Variants in ST8SIA6 observed in about 807,000 individuals in gnomAD.
ST8SIA6 encodes alpha-2,8-sialyltransferase 8F.
A neutral mutation model predicts 33.6 loss-of-function variants in ST8SIA6; 39 were observed. The observed-to-expected ratio is 1.16, with a 90% CI of 0.90 to 1.52. ST8SIA6 has a LOEUF of 1.52. ST8SIA6 is among the 40% of genes most tolerant of loss of function. The pLI is 0.00. For missense variants in ST8SIA6, 441 were observed against 443.8 expected (o/e 0.99, Z 0.06); for synonymous variants, 172 against 167.2 (o/e 1.03, Z -0.22).
chr10:17,354,656 G>A (rs4146637), intron 4 of ST8SIA6, among the ~76,000 whole-genome samples: 25,495 of 152,056 alleles, frequency 0.17, 2,475 homozygotes, highest in East Asian at 0.49. Flanking sequence ...GTAAATCTGA[G>A]CCAGACTCAC....
chr10:17,370,971 G>A (rs1171703379), intron 3 of ST8SIA6, among the ~76,000 whole-genome samples: 1 of 152,194 alleles, frequency 6.6e-6, no homozygotes, highest in Admixed American at 6.5e-5. Context: ...AAAATTAAGA[G>A]ATGTTTGCCA....
At chr10:17,401,101 T>C in intron 2 of ST8SIA6, among the ~76,000 whole-genome samples, 1 of 152,126 alleles carries the variant, frequency 6.6e-6, no homozygotes. Context: ...ACAAAATCAA[T>C]GTGCAAAAAT....
intron 2 of ST8SIA6, among the ~76,000 whole-genome samples, chr10:17,406,167 C>T (rs1851250522): frequency 6.6e-6 from 1 of 152,200 alleles, no homozygotes; most frequent in Non-Finnish European, 1.5e-5. Flanking sequence ...CAGAAAAGCT[C>T]TCTGCCTTCC....
At chr10:17,331,586 T>A (rs1019383172) in intron 4 of ST8SIA6, 34 bp from the exon 5 acceptor site, 1 of 1,581,324 alleles carries the variant, frequency 6.3e-7, no homozygotes, top group Non-Finnish European at 8.6e-7. Flanking sequence ...GAAGCCAAAG[T>A]ATAAGATTAA....
At chr10:17,445,045 A>G (rs563588711) in intron 2 of ST8SIA6, among the ~76,000 whole-genome samples, 2 of 152,348 alleles carry the variant, frequency 1.3e-5, no homozygotes, top group African/African-American at 4.8e-5. Context: ...AAAATCTAAT[A>G]GCCTTCATCT....
intron 2 of ST8SIA6, among the ~76,000 whole-genome samples, chr10:17,419,035 A>G (rs1851696722): frequency 6.7e-6 from 1 of 148,850 alleles, no homozygotes; most frequent in Admixed American, 6.7e-5. Flanking sequence ...AGTCATGCTC[A>G]CCAATCTATG....
intron 4 of ST8SIA6, among the ~76,000 whole-genome samples, chr10:17,351,019 C>T (rs1266393765): frequency 1.3e-5 from 2 of 152,116 alleles, no homozygotes; most frequent in African/African-American, 2.4e-5. Context: ...AAGAATATTA[C>T]GAGACCTCAA....
At chr10:17,329,665 C>T (rs541926055) in intron 5 of ST8SIA6, among the ~76,000 whole-genome samples, 19 of 152,174 alleles carry the variant, frequency 1.2e-4, no homozygotes, top group Non-Finnish European at 2.5e-4. Flanking sequence ...AAACATATCT[C>T]AAATTATGCA....
chr10:17,435,198 T>C (rs527729962), intron 2 of ST8SIA6, among the ~76,000 whole-genome samples: 1 of 152,352 alleles, frequency 6.6e-6, no homozygotes, highest in African/African-American at 2.4e-5. Flanking sequence ...CCTCTCAGTA[T>C]GGTATGTGGC....
intron 2 of ST8SIA6, among the ~76,000 whole-genome samples, chr10:17,398,156 G>A (rs747211858): frequency 4.6e-5 from 7 of 151,930 alleles, no homozygotes; most frequent in Admixed American, 3.3e-4. Flanking sequence ...GTGAAACCCC[G>A]TCTCTACTAA....
chr10:17,356,449 A>G (rs933737298), intron 4 of ST8SIA6, among the ~76,000 whole-genome samples: 3 of 151,732 alleles, frequency 2.0e-5, no homozygotes, highest in South Asian at 2.1e-4. Context: ...CAGTGGTACA[A>G]TTTAGATCAC....
intron 2 of ST8SIA6, among the ~76,000 whole-genome samples, chr10:17,404,961 T>G (rs1423534315): frequency 2.0e-5 from 3 of 152,212 alleles, no homozygotes; most frequent in Non-Finnish European, 4.4e-5. Flanking sequence ...GCAAATGAAT[T>G]GTGTCCAGGG....
At chr10:17,344,999 G>T (rs905363308) in intron 4 of ST8SIA6, among the ~76,000 whole-genome samples, 1 of 151,390 alleles carries the variant, frequency 6.6e-6, no homozygotes, top group Admixed American at 6.6e-5. Context: ...CAGAAAAAAA[G>T]ACAGAGAACA....
At position 17,377,221 on chromosome 10, in the gene ST8SIA6, G is replaced by GA. The variant is rs1389908096; in HGVS notation, c.290+13309dup. On this transcript the variant is annotated intron_variant, in intron 3 of 7. Coordinates refer to ENST00000377602, the MANE Select transcript of ST8SIA6 (RefSeq NM_001004470.3). ...TTATGACCTGCCCCTGCCTGCAAGA[G>GA]AAAAAACCCCTTTAACTGTCATTTT... 2.0e-5 allele frequency among the ~76,000 whole-genome samples: 3 copies of GA among 152,130 alleles called. No individual in the cohort carries two copies. In the East Asian group the frequency reaches 5.8e-4, roughly 29 times the overall value.
intron 3 of ST8SIA6, among the ~76,000 whole-genome samples, chr10:17,375,132 C>T (rs899418430): frequency 6.6e-6 from 1 of 151,816 alleles, no homozygotes. Context: ...TGAGAAAAGG[C>T]AAGTTAAAAG....
chr10:17,331,370 A>G (rs1336042010), intron 5 of ST8SIA6, 38 bp downstream of exon 5: 7 of 1,569,036 alleles, frequency 4.5e-6, no homozygotes, highest in Non-Finnish European at 6.0e-6. Context: ...TTCACCTGGA[A>G]TGGTAACACA....
Position 17,360,973 on chromosome 10 carries a change from A to G in ST8SIA6, c.291-1373T>C, listed in dbSNP as rs532271360. On this transcript the variant is annotated intron_variant, in intron 3 of 7. Transcript: ENST00000377602. ...GAAGAAGGAGGAGGAGGAGAAGAAG[A>G]AGGAGAAGAAGAGGGAGAAGAAGAA... Among the ~76,000 whole-genome samples, 13 of 151,908 alleles carry G rather than the reference A, an allele frequency of 8.6e-5. No homozygotes were observed. In the South Asian group the frequency reaches 2.5e-3, roughly 29 times the overall value.
chr10:17,393,871 G>C (rs1270544069), intron 2 of ST8SIA6, among the ~76,000 whole-genome samples: 3 of 152,188 alleles, frequency 2.0e-5, no homozygotes, highest in Non-Finnish European at 4.4e-5. Flanking sequence ...AATCCTGATA[G>C]AATTTATCTC....
intron 5 of ST8SIA6, 77 bp from the exon 6 acceptor site, chr10:17,327,203 C>T: frequency 9.0e-7 from 1 of 1,104,996 alleles, no homozygotes; most frequent in Non-Finnish European, 1.3e-6. Flanking sequence ...ATTCTAGTAA[C>T]TTAACTCTTT....
Sources: allele counts gnomAD v4.1 joint callset (sites outside exome capture counted in the v4.1 genomes callset), GRCh38; gene constraint gnomAD v4.1.1; transcripts MANE v1.5; gene names NCBI Gene and HGNC (gene_info 2026-07-23, HGNC 2026-07-21).